Variants in RIC3 observed in about 807,000 individuals in gnomAD.
RIC3 encodes protein RIC-3.
Under a neutral mutation model 27.3 loss-of-function variants are expected in RIC3, and 28 were observed. The observed-to-expected ratio is 1.02, with a 90% CI of 0.76 to 1.41. The LOEUF is 1.41. RIC3 is among the 40% of genes most tolerant of loss of function. The pLI is 0.00. For synonymous variants in RIC3, 184 were observed against 160.4 expected (o/e 1.15, Z -1.11); for missense variants, 501 against 444.7 (o/e 1.13, Z -1.14).
intron 5 of RIC3, among the ~76,000 whole-genome samples, chr11:8,112,547 G>A (rs1017734944): frequency 6.6e-6 from 1 of 152,008 alleles, no homozygotes; most frequent in African/African-American, 2.4e-5. Context: ...CACCCACCTC[G>A]GTCTTCCAAA....
the RIC3 span, chr11:8,098,613 G>A: frequency 1.6e-6 from 1 of 639,614 alleles, no homozygotes; most frequent in South Asian, 2.1e-5. Flanking sequence ...CAAAGATGTG[G>A]ATTCAGTGAG....
intron 4 of RIC3, 109 bp from the exon 5 acceptor site, chr11:8,126,916 C>T (rs759395319): frequency 6.3e-6 from 8 of 1,263,944 alleles, no homozygotes; most frequent in Non-Finnish European, 7.9e-6. Flanking sequence ...GCAATTGCAG[C>T]AGATAATTAT....
chr11:8,137,425 T>C lies in RIC3; in HGVS notation c.474A>G (p.Glu158=), dbSNP rs745378957. 2 of 1,614,008 alleles carry C rather than the reference T, an allele frequency of 1.2e-6. No individual in the cohort carries two copies. The highest frequency in any genetic ancestry group is 1.7e-6 in the Non-Finnish European group (2 of 1,180,050). ...AQLQEKLKET[E]AAMEKLINRV... is the part of the protein sequence containing the mutation. Reference sequence around the variant, plus strand: ...TGTTGATTAATTTTTCCATGGCTGCTTCTGTCTCCTTCAGTTTTTCTTGCA... The same window carrying C: ...TGTTGATTAATTTTTCCATGGCTGCCTCTGTCTCCTTCAGTTTTTCTTGCA... Residue 158 remains glutamate, a synonymous_variant, in exon 4 of 6, where the codon GAA becomes GAG. Coordinates refer to ENST00000309737, the MANE Select transcript of RIC3 (RefSeq NM_001206671.4).
At chr11:8,138,996 G>C (rs1022140223) in intron 2 of RIC3, 1 of 152,996 alleles carries the variant, frequency 6.5e-6, no homozygotes, top group African/African-American at 2.4e-5. Flanking sequence ...CCTTTGTTCG[G>C]TGTACTCTCA....
At chr11:8,153,527 A>C (rs1950420492) in intron 1 of RIC3, 2 of 356,182 alleles carry the variant, frequency 5.6e-6, no homozygotes, top group African/African-American at 4.3e-5. Context: ...TCTATGGCAC[A>C]TTACTCTTCT....
chr11:8,148,422 C>A (rs1949927385), intron 1 of RIC3, among the ~76,000 whole-genome samples: 1 of 152,198 alleles, frequency 6.6e-6, no homozygotes, highest in South Asian at 2.1e-4. Flanking sequence ...TAACTTTTCT[C>A]TTGAGAGAAT....
At chr11:8,136,517 C>T (rs544303023) in intron 4 of RIC3, among the ~76,000 whole-genome samples, 3 of 152,300 alleles carry the variant, frequency 2.0e-5, no homozygotes, top group South Asian at 4.1e-4. Flanking sequence ...TGGTTGTTGT[C>T]CACTTCTATC....
intron 5 of RIC3, among the ~76,000 whole-genome samples, chr11:8,124,799 T>G (rs1946823891): frequency 1.3e-5 from 2 of 152,156 alleles, no homozygotes; most frequent in African/African-American, 4.8e-5. Flanking sequence ...ATTGGGTATT[T>G]GATATGGAAA....
At chr11:8,100,894 G>A in the RIC3 span, 1 of 1,614,186 alleles carries the variant, frequency 6.2e-7, no homozygotes, top group East Asian at 2.2e-5. Context: ...TGCAAAACAA[G>A]ACACCTGTCT....
chr11:8,160,227 A>T (rs1435922702), intron 1 of RIC3, among the ~76,000 whole-genome samples: 1 of 152,194 alleles, frequency 6.6e-6, no homozygotes, highest in Non-Finnish European at 1.5e-5. Context: ...GATTTGCTTC[A>T]AAATAATCCA....
intron 1 of RIC3, among the ~76,000 whole-genome samples, chr11:8,166,701 T>C (rs569064018): frequency 6.6e-6 from 1 of 151,958 alleles, no homozygotes; most frequent in Non-Finnish European, 1.5e-5. Context: ...GAGACCCCCA[T>C]CTCAACCAAA....
chr11:8,097,637 G>A, the RIC3 span: 1 of 1,376,482 alleles, frequency 7.3e-7, no homozygotes, highest in Admixed American at 1.8e-5. Context: ...AACGGAGAGA[G>A]TCTGTGTGAG....
chr11:8,153,975 G>A (rs1009107854), intron 1 of RIC3, among the ~76,000 whole-genome samples: 4 of 152,124 alleles, frequency 2.6e-5, no homozygotes, highest in African/African-American at 4.8e-5. Context: ...AAAGTTAACA[G>A]GCCTCTACAG....
Position 8,107,434 on chromosome 11 carries a change from A to G in RIC3, c.*3264T>C, listed in dbSNP as rs1470732179. On this transcript the variant is annotated 3_prime_UTR_variant, in exon 6 of 6. Coordinates refer to ENST00000309737, the MANE Select transcript of RIC3 (RefSeq NM_001206671.4). ...AGAGGGTTTTGTTTGTTTAGTCATC[A>G]GGTTCAAAAATCTTAAATGGCTATA... The G allele has an allele frequency of 3.3e-5, 5 of 152,224 alleles. No homozygotes were observed. The highest frequency in any genetic ancestry group is 1.2e-4 in the African/African-American group (5 of 41,442). The allele number at this position is 152,224 out of a possible 1,614,324, so 9.4% of individuals were successfully genotyped here.
chr11:8,147,018 T>A (rs182029440), intron 1 of RIC3, among the ~76,000 whole-genome samples: 1 of 152,198 alleles, frequency 6.6e-6, no homozygotes, highest in South Asian at 2.1e-4. Flanking sequence ...CCCATTTTTA[T>A]TCAAAGTCAT....
intron 5 of RIC3, among the ~76,000 whole-genome samples, chr11:8,113,575 A>T (rs1945500544): frequency 6.6e-6 from 1 of 152,116 alleles, no homozygotes; most frequent in Non-Finnish European, 1.5e-5. Flanking sequence ...GAGCCTGCAG[A>T]CACAGGCTCC....
chr11:8,141,909 C>T (rs1391870556), intron 1 of RIC3, among the ~76,000 whole-genome samples: 8 of 151,908 alleles, frequency 5.3e-5, no homozygotes, highest in African/African-American at 1.9e-4. Flanking sequence ...AACTGAACAA[C>T]CTGCTCCTGA....
intron 1 of RIC3, among the ~76,000 whole-genome samples, chr11:8,146,590 C>G (rs1316804443): frequency 6.6e-6 from 1 of 152,176 alleles, no homozygotes; most frequent in East Asian, 1.9e-4. Flanking sequence ...TGGCACATGA[C>G]ACAGCCCTCA....
At chr11:8,096,647 C>T in the RIC3 span, 26 of 1,389,252 alleles carry the variant, frequency 1.9e-5, no homozygotes, top group Non-Finnish European at 2.5e-5. Flanking sequence ...GCGTAGACTT[C>T]TCCTCCTTCA....
Sources: gnomAD v4.1 joint callset for allele counts (sites outside exome capture counted in the v4.1 genomes callset) on GRCh38, gnomAD v4.1.1 for gene constraint, MANE v1.5 for transcripts, NCBI Gene and HGNC (gene_info 2026-07-23, HGNC 2026-07-21) for gene names.